Variants in TENM3 observed in about 807,000 individuals in gnomAD.
TENM3 encodes the protein teneurin-3.
Under a neutral mutation model 255.1 loss-of-function variants are expected in TENM3, and 63 were observed. The ratio of observed to expected loss-of-function variants is 0.25; its 90% confidence interval spans 0.20 to 0.30. TENM3 has a LOEUF of 0.30. Ranked by LOEUF, TENM3 falls within the 10% of genes least tolerant of loss-of-function variation. The probability of loss-of-function intolerance (pLI) is 1.00; values close to 1 mark genes in which losing one functional copy is unlikely to be tolerated. For missense variants in TENM3, 2,929 were observed against 3,461.1 expected, an observed-to-expected ratio of 0.85 and a Z score of 3.86; for synonymous variants, 1,306 against 1,322.3, an observed-to-expected ratio of 0.99 and a Z score of 0.27.
At chr4:181,586,480 G>A in the TENM3 span, among the ~76,000 whole-genome samples, 5 of 152,244 alleles carry the variant, frequency 3.3e-5, no homozygotes, top group Admixed American at 3.3e-4. Flanking sequence ...GGCAATCTGC[G>A]AAAATGGGGG....
chr4:182,039,713 C>G, the TENM3 span, among the ~76,000 whole-genome samples: 11 of 151,772 alleles, frequency 7.2e-5, no homozygotes, highest in Non-Finnish European at 1.3e-4. Context: ...AGAAAAAAGC[C>G]CAGAAAGTAA....
chr4:182,663,011 C>T (rs576938102), intron 6 of TENM3, among the ~76,000 whole-genome samples: 36 of 152,114 alleles, frequency 2.4e-4, no homozygotes, highest in Non-Finnish European at 4.1e-4. Context: ...TCTAAGCTGC[C>T]GTTTCAGTGG....
At chr4:182,140,290 A>G (rs1369264422), upstream of TENM3, among the ~76,000 whole-genome samples, 1 of 152,170 alleles carries the variant, frequency 6.6e-6, no homozygotes, top group Non-Finnish European at 1.5e-5. Context: ...CCTCTGTTCT[A>G]AAGTGGCCCA....
intron 22 of TENM3, among the ~76,000 whole-genome samples, chr4:182,769,136 G>A (rs572082333): frequency 1.2e-4 from 19 of 152,292 alleles, no homozygotes; most frequent in Admixed American, 7.2e-4. Context: ...ATCTGAATCC[G>A]CCCAGAGGCA....
the TENM3 span, among the ~76,000 whole-genome samples, chr4:182,098,802 A>C: frequency 6.6e-6 from 1 of 152,222 alleles, no homozygotes; most frequent in East Asian, 1.9e-4. Flanking sequence ...TGTATATTTC[A>C]TAATAACTAG....
At chr4:181,968,957 C>A in the TENM3 span, among the ~76,000 whole-genome samples, 1 of 145,024 alleles carries the variant, frequency 6.9e-6, no homozygotes, top group African/African-American at 2.6e-5. Flanking sequence ...TAGAATACCT[C>A]TCTTGTCTCT....
the TENM3 span, among the ~76,000 whole-genome samples, chr4:181,680,417 T>C: frequency 6.6e-6 from 1 of 152,136 alleles, no homozygotes; most frequent in African/African-American, 2.4e-5. Context: ...TGAGATTTGA[T>C]TGGATCTATA....
At chr4:182,112,140 G>A in the TENM3 span, among the ~76,000 whole-genome samples, 2 of 152,226 alleles carry the variant, frequency 1.3e-5, no homozygotes, top group African/African-American at 2.4e-5. Context: ...GGGTGACAGA[G>A]GGAAATCCTC....
intron 1 of TENM3, among the ~76,000 whole-genome samples, chr4:182,287,908 T>C (rs913800897): frequency 6.6e-6 from 1 of 151,002 alleles, no homozygotes; most frequent in African/African-American, 2.4e-5. Context: ...TGAGGTACCG[T>C]GCCTGGCATA....
the TENM3 span, among the ~76,000 whole-genome samples, chr4:181,697,510 C>T: frequency 1.3e-5 from 2 of 152,302 alleles, no homozygotes; most frequent in Non-Finnish European, 1.5e-5. Context: ...TCTTCTGCCT[C>T]ACCCTCCTGA....
At chr4:181,678,843 A>C in the TENM3 span, among the ~76,000 whole-genome samples, 1 of 137,114 alleles carries the variant, frequency 7.3e-6, no homozygotes, top group Non-Finnish European at 1.5e-5. Flanking sequence ...GTTTTAAACA[A>C]AAAAAAAAAA....
chr4:182,743,447 A>T, intron 19 of TENM3, 28 bp downstream of exon 19: 3 of 1,606,624 alleles, frequency 1.9e-6, no homozygotes, highest in Non-Finnish European at 2.6e-6. Flanking sequence ...TTGGGCTTTT[A>T]ACCAAAGCTA....
At chr4:182,002,568 C>T in the TENM3 span, among the ~76,000 whole-genome samples, 2 of 151,998 alleles carry the variant, frequency 1.3e-5, no homozygotes, top group African/African-American at 4.8e-5. Context: ...GTCCTGCTTC[C>T]GTCCAATAAG....
At chr4:182,039,215 T>G in the TENM3 span, among the ~76,000 whole-genome samples, 1 of 152,180 alleles carries the variant, frequency 6.6e-6, no homozygotes, top group East Asian at 1.9e-4. Flanking sequence ...TGAATCCTGT[T>G]TTCTTGGTTG....
chr4:181,656,718 A>C, the TENM3 span, among the ~76,000 whole-genome samples: 2 of 151,990 alleles, frequency 1.3e-5, no homozygotes, highest in African/African-American at 2.4e-5. Flanking sequence ...GGGTGGAGCT[A>C]TGAACTGAAT....
the TENM3 span, among the ~76,000 whole-genome samples, chr4:182,022,942 C>A: frequency 3.6e-3 from 544 of 152,272 alleles, 3 homozygotes; most frequent in Non-Finnish European, 5.9e-3. Flanking sequence ...GGAGAAAAAA[C>A]GCCTTCCAGC....
chr4:182,582,630 TAGA>T (rs1242926242), intron 3 of TENM3, among the ~76,000 whole-genome samples: 1 of 152,024 alleles, frequency 6.6e-6, no homozygotes, highest in East Asian at 1.9e-4. Flanking sequence ...ACATATAAAA[TAGA>T]GGAGAACTAT....
At chr4:182,688,778 C>G (rs1756793300) in intron 12 of TENM3, among the ~76,000 whole-genome samples, 1 of 152,142 alleles carries the variant, frequency 6.6e-6, no homozygotes, top group African/African-American at 2.4e-5. Flanking sequence ...AATCACATAG[C>G]TTAGACTTGT....
intron 12 of TENM3, among the ~76,000 whole-genome samples, chr4:182,709,906 C>T (rs1361214087): frequency 6.6e-6 from 1 of 152,032 alleles, no homozygotes; most frequent in Non-Finnish European, 1.5e-5. Flanking sequence ...TAATTTTGAC[C>T]GGCTATATAT....
Sources: gnomAD v4.1 joint callset for allele counts (sites outside exome capture counted in the v4.1 genomes callset) on GRCh38, gnomAD v4.1.1 for gene constraint, MANE v1.5 for transcripts, NCBI Gene and HGNC (gene_info 2026-07-23, HGNC 2026-07-21) for gene names.